Variants in WHAMM observed in about 807,000 individuals in gnomAD.
The protein encoded by WHAMM is WASP homolog-associated protein with actin, membranes and microtubules.
Under a neutral mutation model 76.5 loss-of-function variants are expected in WHAMM, and 67 were observed. The ratio of observed to expected loss-of-function variants is 0.88; its 90% CI spans 0.72 to 1.07. The LOEUF is 1.07. Ranked by LOEUF, WHAMM falls within the 50% of genes least tolerant of loss-of-function variation. The pLI is 0.00. For missense variants in WHAMM, 1,021 were observed against 1,051.1 expected, an observed-to-expected ratio of 0.97 and a Z score of 0.40; for synonymous variants, 419 against 422.1, an observed-to-expected ratio of 0.99 and a Z score of 0.09.
Position 82,826,334 on chromosome 15 carries a change from C to CT in WHAMM, c.1459-70dup, listed in dbSNP as rs2050932832. On this transcript the variant is annotated intron_variant, in intron 6 of 9. Transcript: ENST00000286760. Reference sequence around the variant, plus strand: ...CTTACACTATAGCCCAAATGCAGTGCTTTTTTCTTTTAATCTTTTATGCTA... The same window carrying CT: ...CTTACACTATAGCCCAAATGCAGTGCTTTTTTTCTTTTAATCTTTTATGCTA... 8.6e-6 allele frequency: 13 copies of CT among 1,512,200 alleles called. No individual in the cohort carries two copies. In the African/African-American group the frequency reaches 1.2e-4, roughly 14 times the overall value. 93.7% of individuals were successfully genotyped at this position (1,512,200 alleles called of 1,614,324 possible).
intron 9 of WHAMM, 50 bp downstream of exon 9, chr15:82,831,129 G>A: frequency 6.4e-7 from 1 of 1,570,058 alleles, no homozygotes; most frequent in Non-Finnish European, 8.6e-7. Flanking sequence ...TTAAGCTGTT[G>A]AAGCATTCTA....
Position 82,809,688 on chromosome 15 carries a change from CG to C in WHAMM, c.-38del, listed in dbSNP as rs1314056627. ...ACAGGCGGTGCGAGGAGGCCAGGCC[CG>C]CGCCCGCCGAGCCCTAGGGCCGCTG... On this transcript the variant is annotated 5_prime_UTR_variant, in exon 1 of 10. It removes the in-frame stop codon of an upstream open reading frame in the 5' UTR. Transcript: ENST00000286760. The C allele has an allele frequency of 1.5e-6, 2 of 1,344,192 alleles. No homozygotes were observed. Among genetic ancestry groups the C allele is most frequent in the East Asian group, 6.0e-5 (2 of 33,548 alleles). The allele number at this position is 1,344,192 out of a possible 1,614,324, so 83.3% of individuals were successfully genotyped here. A position where few individuals can be genotyped will look rare whatever the true frequency, so the allele number is the denominator to read the frequency against.
chr15:82,810,427 G>T, intron 1 of WHAMM, 92 bp downstream of exon 1: 1 of 1,221,910 alleles, frequency 8.2e-7, no homozygotes, highest in South Asian at 3.4e-5. Flanking sequence ...CCTGGCTGAC[G>T]GCTGACGGGG....
intron 4 of WHAMM, among the ~76,000 whole-genome samples, chr15:82,818,665 T>C (rs1436285206): frequency 6.6e-6 from 1 of 152,260 alleles, no homozygotes. Flanking sequence ...TATAATCTTA[T>C]GACTTTAAAG....
intron 6 of WHAMM, among the ~76,000 whole-genome samples, chr15:82,825,558 C>T (rs2050916752): frequency 6.6e-6 from 1 of 152,184 alleles, no homozygotes; most frequent in African/African-American, 2.4e-5. Context: ...CAAATCACAG[C>T]TTGGCCACTT....
chr15:82,823,081 A>G lies in WHAMM; in HGVS notation c.1271-19A>G, dbSNP rs1267429290. On this transcript the variant is annotated intron_variant, in intron 5 of 9. Coordinates refer to ENST00000286760, the MANE Select transcript of WHAMM (RefSeq NM_001080435.3). ...AAAATAATAAAATATGTTTTAAACA[A>G]TCATTAATACATTTTTAGAAAAACA... is the stretch of plus-strand genomic sequence containing the variant. The G allele has an allele frequency of 7.7e-6, 10 of 1,291,254 alleles. No individual in the cohort carries two copies. In the African/African-American group the frequency reaches 1.1e-4, roughly 14 times the overall value. 80.0% of individuals were successfully genotyped at this position (1,291,254 alleles called of 1,614,324 possible).
In WHAMM at chr15:82,810,223, G is replaced by A. The variant is rs1358131755; in HGVS notation, c.497G>A (p.Arg166His). ...AADGCGGATV[R>H]DALFPAEGGA... The stretch of plus-strand genomic sequence containing the variant: ...GACGGCTGCGGCGGCGCCACAGTGC[G>A]CGACGCACTCTTCCCGGCTGAGGGC... Residue 166 changes from arginine to histidine, a missense_variant, in exon 1 of 10, where the codon CGC (arginine) becomes CAC (histidine). Around this residue, in one of 3 missense-constraint regions of WHAMM, gnomAD observed 501 missense variants for 524.9 expected, o/e 0.95. Coordinates refer to ENST00000286760, the MANE Select transcript of WHAMM (RefSeq NM_001080435.3). 2.1e-6 allele frequency: 3 copies of A among 1,416,630 alleles called. No homozygotes were observed. Among genetic ancestry groups the A allele is most frequent in the Non-Finnish European group, 2.8e-6 (3 of 1,084,380 alleles). The allele number at this position is 1,416,630 out of a possible 1,614,324, so 87.8% of individuals were successfully genotyped here. A position where few individuals can be genotyped will look rare whatever the true frequency, so the allele number is the denominator to read the frequency against.
In WHAMM at chr15:82,813,964, G is replaced by T. The variant is rs192253380; in HGVS notation, c.783+688G>T. ...CATGAGCCACTGCACCCAGCCTGAT[G>T]AATTGTTTTTGATGTGATATTTATT... On this transcript the variant is annotated intron_variant, in intron 2 of 9. Transcript: ENST00000286760. 4.1e-4 allele frequency among the ~76,000 whole-genome samples: 63 copies of T among 152,190 alleles called. 1 individual carries two copies. In the East Asian group the frequency reaches 0.011, roughly 27 times the overall value.
chr15:82,832,304 G>A (rs563437517), intron 9 of WHAMM, among the ~76,000 whole-genome samples: 1 of 152,314 alleles, frequency 6.6e-6, no homozygotes, highest in South Asian at 2.1e-4. Context: ...GTAATAAGAA[G>A]GTATAAGTTT....
At chr15:82,827,847 A>G (rs2050962052) in intron 8 of WHAMM, among the ~76,000 whole-genome samples, 1 of 152,200 alleles carries the variant, frequency 6.6e-6, no homozygotes, top group African/African-American at 2.4e-5. Context: ...TGGGAGGCTA[A>G]GGCACAAGAA....
chr15:82,811,787 G>A (rs1020230276), intron 1 of WHAMM, among the ~76,000 whole-genome samples: 1 of 151,914 alleles, frequency 6.6e-6, no homozygotes, highest in Non-Finnish European at 1.5e-5. Flanking sequence ...AGGCTGAAAT[G>A]TATCACTTGC....
intron 6 of WHAMM, 108 bp downstream of exon 6, chr15:82,823,395 T>G: frequency 1.0e-6 from 1 of 991,326 alleles, no homozygotes; most frequent in Non-Finnish European, 1.3e-6. Context: ...GTGATTACAT[T>G]TTGTGTGCTT....
At chr15:82,826,339 T>G in intron 6 of WHAMM, 71 bp from the exon 7 acceptor site, 1 of 1,543,766 alleles carries the variant, frequency 6.5e-7, no homozygotes, top group Non-Finnish European at 8.9e-7. Context: ...CAGTGCTTTT[T>G]TCTTTTAATC....
chr15:82,830,930 C>G lies in WHAMM; in HGVS notation c.1973C>G (p.Pro658Arg). The change falls in exon 9 of 10, where the codon CCT (proline) becomes CGT (arginine). Residue 658 changes from proline (P) to arginine (R), a missense_variant. By Grantham distance (103) the Pro-to-Arg change is moderately radical. Around this residue, in one of 3 missense-constraint regions of WHAMM, gnomAD observed 509 missense variants for 492.3 expected, o/e 1.03. Transcript: ENST00000286760. ...CCGCCACCGCCGCCCCCACCCCCTCCTCTCCGTGCTCTGTCCTCATCCTCT... is the reference window on the plus strand; with the variant it reads ...CCGCCACCGCCGCCCCCACCCCCTCGTCTCCGTGCTCTGTCCTCATCCTCT... ...PPPPPPPPPPPLRALSSSSQA... is the reference protein window; with the variant it reads ...PPPPPPPPPPRLRALSSSSQA... 1.2e-6 allele frequency: 2 copies of G among 1,609,552 alleles called. No individual in the cohort carries two copies. Among genetic ancestry groups the G allele is most frequent in the Non-Finnish European group, 1.7e-6 (2 of 1,178,548 alleles).
In WHAMM at chr15:82,809,894, C is replaced by T. The variant is rs2050595218; in HGVS notation, c.168C>T (p.Arg56=). 6.5e-7 allele frequency: 1 copy of T among 1,548,046 alleles called. No homozygotes were observed. The change falls in exon 1 of 10, where the codon CGC becomes CGT. Residue 56 remains arginine (R), a synonymous_variant. Coordinates refer to ENST00000286760, the MANE Select transcript of WHAMM (RefSeq NM_001080435.3). ...HDRTAQQRRL[R]EGARLGPEPE... ...GTACCGCGCAGCAGCGGCGGCTGCG[C>T]GAGGGGGCCCGGTTGGGGCCCGAGC...
chr15:82,819,614 T>G, intron 5 of WHAMM, 126 bp downstream of exon 5: 1 of 490,324 alleles, frequency 2.0e-6, no homozygotes, highest in Non-Finnish European at 3.4e-6. Context: ...TTCAGTGGTT[T>G]ATTATTCAAA....
In WHAMM at chr15:82,830,880, T is replaced by G. The variant is rs575707604; in HGVS notation, c.1923T>G (p.Pro641=). The G allele has an allele frequency of 6.4e-7, 1 of 1,573,550 alleles. No individual in the cohort carries two copies. The highest frequency in any genetic ancestry group is 2.3e-5 in the East Asian group (1 of 43,082). ...GTGAGGAATTGTCACTGCCACCACC[T>G]CCTCCTCCTCCACCACCACCACCGC... is the stretch of plus-strand genomic sequence containing the variant. ...KSSEELSLPP[P]PPPPPPPPPP... The change falls in exon 9 of 10, where the codon CCT becomes CCG. Residue 641 remains proline, a synonymous_variant. Transcript: ENST00000286760.
chr15:82,814,994 T>C (rs975165302), intron 2 of WHAMM, among the ~76,000 whole-genome samples: 8 of 148,648 alleles, frequency 5.4e-5, no homozygotes, highest in Non-Finnish European at 1.5e-5. Context: ...ATGGTCTTGA[T>C]CTCCTGACCT....
At position 82,809,730 on chromosome 15, in the gene WHAMM, G is replaced by T; in HGVS notation, c.4G>T (p.Glu2Ter). The change falls in exon 1 of 10, where the codon GAG becomes TAG. Residue 2 changes from glutamate (E) to a stop codon, truncating the protein, a stop_gained. Coordinates refer to ENST00000286760, the MANE Select transcript of WHAMM (RefSeq NM_001080435.3). LOFTEE classifies it high-confidence loss of function. Reference sequence around the variant, plus strand: ...AGGGCCGCTGCTGCCGACAGCCATGGAGGACGAGCAGCCTGACAGCCTGGA... The same window carrying T: ...AGGGCCGCTGCTGCCGACAGCCATGTAGGACGAGCAGCCTGACAGCCTGGA... M[E>*]DEQPDSLEGW... The T allele has an allele frequency of 2.6e-6, 4 of 1,513,148 alleles. No individual in the cohort carries two copies. The highest frequency in any genetic ancestry group is 3.5e-6 in the Non-Finnish European group (4 of 1,130,382). 93.7% of individuals were successfully genotyped at this position (1,513,148 alleles called of 1,614,324 possible). A position where few individuals can be genotyped will look rare whatever the true frequency, so the allele number is the denominator to read the frequency against.
Sources: allele counts gnomAD v4.1 joint callset (sites outside exome capture counted in the v4.1 genomes callset), GRCh38; gene constraint gnomAD v4.1.1; regional missense constraint gnomAD v4.1.1; transcripts MANE v1.5; gene names NCBI Gene and HGNC (gene_info 2026-07-23, HGNC 2026-07-21).